ABR: variants seen among roughly 807,000 people sequenced by gnomAD.
ABR encodes the protein ABR activator of RhoGEF and GTPase.
A neutral mutation model predicts 107.2 loss-of-function variants in ABR; 35 were observed. The observed-to-expected ratio is 0.33, with a 90% CI of 0.25 to 0.43. The LOEUF is 0.43. ABR is among the 20% of genes least tolerant of loss of function. ABR has a pLI of 1.00. For missense variants in ABR, 815 were observed against 1,115.2 expected, an observed-to-expected ratio of 0.73 and a Z score of 3.83; for synonymous variants, 498 against 462.0, an observed-to-expected ratio of 1.08 and a Z score of -1.00.
intron 5 of ABR, among the ~76,000 whole-genome samples, chr17:1,082,218 G>A (rs2036285690): frequency 6.6e-6 from 1 of 152,054 alleles, no homozygotes; most frequent in South Asian, 2.1e-4. Flanking sequence ...CCTGAGCTGG[G>A]GGCTGTTCCT....
At chr17:1,182,988 C>T (rs1026860274), upstream of ABR, among the ~76,000 whole-genome samples, 1 of 152,140 alleles carries the variant, frequency 6.6e-6, no homozygotes, top group Admixed American at 6.5e-5. Context: ...GAACAGAAAC[C>T]TCCGCATCCC....
chr17:1,018,332 A>G (rs56280534), intron 16 of ABR, among the ~76,000 whole-genome samples: 29,133 of 152,046 alleles, frequency 0.19, 3,203 homozygotes, highest in Admixed American at 0.31. Context: ...GTGAGCCACC[A>G]CGCCTGGCCC....
Position 1,012,769 on chromosome 17 carries a change from G to C in ABR, c.1880C>G (p.Thr627Ser). 6.3e-7 allele frequency: 1 copy of C among 1,593,204 alleles called. No individual in the cohort carries two copies. The highest frequency in any genetic ancestry group is 1.8e-5 in the Admixed American group (1 of 57,036). The part of the protein sequence containing the change: ...GIKVEFSMKF[T>S]SRDMSLKRTP... The stretch of plus-strand genomic sequence containing the variant: ...CCTCTTCAGGCTCATATCTCGGCTG[G>C]TGAATTTCATGGAAAATTCCACTTT... Residue 627 changes from threonine (T) to serine (S), a missense_variant, in exon 18 of 23, where the codon ACC (threonine) becomes AGC (serine). Coordinates refer to ENST00000302538, the MANE Select transcript of ABR (RefSeq NM_021962.5).
At chr17:1,203,568 T>A (rs1002857275) in intron 1 of ABR, among the ~76,000 whole-genome samples, 2 of 152,018 alleles carry the variant, frequency 1.3e-5, no homozygotes, top group African/African-American at 4.8e-5. Flanking sequence ...CCGGGCTGCC[T>A]AGTCCTCCAG....
chr17:1,223,284 A>G (rs1487872557), intron 1 of ABR, among the ~76,000 whole-genome samples: 5 of 144,352 alleles, frequency 3.5e-5, no homozygotes, highest in South Asian at 2.2e-4. Context: ...TCCATCTCAA[A>G]CAAACAAAAA....
chr17:1,153,938 G>T, intron 1 of ABR: 1 of 166,992 alleles, frequency 6.0e-6, no homozygotes, highest in Non-Finnish European at 1.3e-5. Flanking sequence ...ATAGCAACAG[G>T]CTCCCGCTCC....
At chr17:1,081,765 C>T (rs1457846526) in intron 5 of ABR, among the ~76,000 whole-genome samples, 2 of 151,664 alleles carry the variant, frequency 1.3e-5, no homozygotes, top group African/African-American at 2.4e-5. Context: ...TTAGTAGAGA[C>T]GGCGTTTCGC....
chr17:1,159,987 G>A (rs566524167), intron 1 of ABR, among the ~76,000 whole-genome samples: 6 of 152,302 alleles, frequency 3.9e-5, no homozygotes, highest in African/African-American at 7.2e-5. Flanking sequence ...CGCTGCCGCC[G>A]CTTGGGGAGG....
intron 5 of ABR, among the ~76,000 whole-genome samples, 168 bp from the exon 6 acceptor site, chr17:1,079,558 G>A (rs936309574): frequency 2.0e-5 from 3 of 152,108 alleles, no homozygotes; most frequent in African/African-American, 7.2e-5. Flanking sequence ...AGAGGCCGTG[G>A]TGGGCGGATC....
chr17:1,129,006 C>A (rs1480692175), intron 1 of ABR, among the ~76,000 whole-genome samples: 1 of 152,240 alleles, frequency 6.6e-6, no homozygotes, highest in East Asian at 1.9e-4. Flanking sequence ...CTATTATCTG[C>A]AGTCAAACCT....
chr17:1,114,196 C>T (rs886801551), intron 2 of ABR, among the ~76,000 whole-genome samples: 9 of 142,902 alleles, frequency 6.3e-5, no homozygotes, highest in African/African-American at 2.3e-4. Context: ...TTAGGCTGGG[C>T]GCAGTGGCTC....
At chr17:1,203,785 G>A (rs1383344420) in intron 1 of ABR, among the ~76,000 whole-genome samples, 1 of 152,152 alleles carries the variant, frequency 6.6e-6, no homozygotes, top group Non-Finnish European at 1.5e-5. Context: ...CGGGGCGAAG[G>A]GGGCTCGGGC....
At position 1,067,134 on chromosome 17, in the gene ABR, A is replaced by G. The variant is rs779846384; in HGVS notation, c.1125T>C (p.His375=). ...ASPQVHPFPD[H]ELEDMKMKIS... is the part of the protein sequence containing the mutation. ...TCTTCATCTTCATGTCCTCCAGCTC[A>G]TGGTCTGGGAAGGGGTGCACCTGGG... The change falls in exon 10 of 23, where the codon CAT becomes CAC. Residue 375 remains histidine, a synonymous_variant. Transcript: ENST00000302538. 7 of 1,613,740 alleles carry G rather than the reference A, an allele frequency of 4.3e-6. No individual in the cohort carries two copies. Among genetic ancestry groups the G allele is most frequent in the Non-Finnish European group, 5.9e-6 (7 of 1,179,986 alleles).
intron 1 of ABR, among the ~76,000 whole-genome samples, chr17:1,152,981 A>G (rs2040860886): frequency 6.6e-6 from 1 of 151,944 alleles, no homozygotes; most frequent in Non-Finnish European, 1.5e-5. Context: ...AGTCCCAGCT[A>G]CTTGGGCTGA....
chr17:1,040,266 G>C, intron 16 of ABR, among the ~76,000 whole-genome samples: 1 of 152,180 alleles, frequency 6.6e-6, no homozygotes, highest in East Asian at 1.9e-4. Context: ...CAGAGGGAGG[G>C]AAGTGGGGCA....
chr17:1,201,677 C>CT (rs2042673887), intron 1 of ABR, among the ~76,000 whole-genome samples: 1 of 151,474 alleles, frequency 6.6e-6, no homozygotes, highest in African/African-American at 2.4e-5. Flanking sequence ...AGCATTTTTG[C>CT]TTGTTTGTTT....
At position 1,078,726 on chromosome 17, in the gene ABR, T is replaced by C; in HGVS notation, c.700+604A>G. On this transcript the variant is annotated intron_variant, in intron 6 of 22. Coordinates refer to ENST00000302538, the MANE Select transcript of ABR (RefSeq NM_021962.5). This position sits in a 1 kb window ranked among gnomAD's most constrained non-coding sequence, Gnocchi z 7.5. ...CCCACCCTCCTTCCCTGCGGCCCTC[T>C]AACCTCCCCGGCCACATCTAAGCCC... is the stretch of plus-strand genomic sequence containing the variant. 7.1e-7 allele frequency: 1 copy of C among 1,402,104 alleles called. No individual in the cohort carries two copies. The highest frequency in any genetic ancestry group is 2.1e-5 in the Admixed American group (1 of 47,194). The allele number at this position is 1,402,104 out of a possible 1,614,324, so 86.9% of individuals were successfully genotyped here.
intron 6 of ABR, among the ~76,000 whole-genome samples, chr17:1,073,937 C>A (rs1354053306): frequency 6.6e-6 from 1 of 151,882 alleles, no homozygotes; most frequent in Non-Finnish European, 1.5e-5. Flanking sequence ...ATGGCTTCAT[C>A]GAGAGCCGCC....
At chr17:1,024,049 A>AAAAAAAG (rs2071963289) in intron 16 of ABR, among the ~76,000 whole-genome samples, 1 of 140,532 alleles carries the variant, frequency 7.1e-6, no homozygotes, top group African/African-American at 2.7e-5. Context: ...AAAAAAAAAA[A>AAAAAAAG]GCAGCATCAA....
Sources: gnomAD v4.1 joint callset for allele counts (sites outside exome capture counted in the v4.1 genomes callset) on GRCh38, gnomAD v4.1.1 for gene constraint, Gnocchi (gnomAD v3.1) non-coding constraint, MANE v1.5 for transcripts, NCBI Gene and HGNC (gene_info 2026-07-23, HGNC 2026-07-21) for gene names.